The following GANC variants were observed in gnomAD, a reference collection of about 807,000 sequenced individuals.
The protein encoded by GANC is glucosidase alpha, neutral C.
A neutral mutation model predicts 124.2 loss-of-function variants in GANC; 117 were observed. That is an observed-to-expected ratio of 0.94 (90% confidence interval 0.81 to 1.10). The LOEUF is 1.10. Ranked by LOEUF, GANC falls within the 50% of genes least tolerant of loss-of-function variation. The pLI is 0.00. For synonymous variants in GANC, 377 were observed against 376.8 expected, an observed-to-expected ratio of 1.00 and a Z score of -0.01; for missense variants, 1,140 against 1,095.0, an observed-to-expected ratio of 1.04 and a Z score of -0.58.
chr15:42,311,328 G>T lies in GANC; in HGVS notation c.1057+482G>T, dbSNP rs1156274464. ...AATTAGGCAAGAAAAATAAATAAAA[G>T]ATATCAAAATTGGAAAAGAATAAAT... On this transcript the variant is annotated intron_variant, in intron 10 of 23. Coordinates refer to ENST00000318010, the MANE Select transcript of GANC (RefSeq NM_198141.3). 5.3e-5 allele frequency among the ~76,000 whole-genome samples: 8 copies of T among 152,158 alleles called. No individual in the cohort carries two copies. The East Asian group carries it at 9.6e-4, about 18-fold the overall frequency.
Position 42,332,851 on chromosome 15 carries a change from T to TAA in GANC, c.1741+2198_1741+2199dup, listed in dbSNP as rs5812220. Among the ~76,000 whole-genome samples the TAA allele has an allele frequency of 8.3e-3, 1,004 of 120,476 alleles. 17 individuals carry two copies. Among genetic ancestry groups the TAA allele is most frequent in the African/African-American group, 0.031 (953 of 30,966 alleles). 79.0% of individuals were successfully genotyped at this position (120,476 alleles called of 152,430 possible). The stretch of plus-strand genomic sequence containing the variant: ...CAACATGGTGAAACCCTGTCTCTAC[T>TAA]AAAAAAAAAAAAAAAAAAAATAGCT... On this transcript the variant is annotated intron_variant, in intron 15 of 23. Transcript: ENST00000318010.
intron 2 of GANC, chr15:42,278,005 A>G (rs757923681): frequency 7.9e-6 from 3 of 377,982 alleles, no homozygotes; most frequent in Non-Finnish European, 1.7e-5. Context: ...TTTCTAACAT[A>G]TTCCCTCTCT....
chr15:42,281,202 A>G (rs1042674084), intron 3 of GANC: 5 of 665,950 alleles, frequency 7.5e-6, no homozygotes, highest in East Asian at 2.7e-5. Context: ...ATGCAAATAC[A>G]TATTTCGGGA....
At chr15:42,332,097 CA>C (rs1170467402) in intron 15 of GANC, among the ~76,000 whole-genome samples, 1 of 152,052 alleles carries the variant, frequency 6.6e-6, no homozygotes, top group African/African-American at 2.4e-5. Context: ...TGCACACAAT[CA>C]AGGCTAACTA....
At chr15:42,279,428 A>C (rs933740508) in intron 3 of GANC, among the ~76,000 whole-genome samples, 2 of 152,186 alleles carry the variant, frequency 1.3e-5, no homozygotes. Context: ...TTGAAAACCC[A>C]AGTAACAAGT....
At chr15:42,333,365 C>T (rs780040544) in intron 15 of GANC, among the ~76,000 whole-genome samples, 17 of 151,344 alleles carry the variant, frequency 1.1e-4, no homozygotes, top group Non-Finnish European at 2.2e-4. Flanking sequence ...GGCCATAGGG[C>T]GGCCTAAAAT....
At chr15:42,287,582 C>A in intron 3 of GANC, 109 bp from the exon 4 acceptor site, 2 of 1,155,822 alleles carry the variant, frequency 1.7e-6, no homozygotes, top group Non-Finnish European at 2.4e-6. Context: ...CTCCAATTTG[C>A]TTGGCCTATC....
At chr15:42,305,239 A>G (rs2051982679) in intron 6 of GANC, among the ~76,000 whole-genome samples, 1 of 152,218 alleles carries the variant, frequency 6.6e-6, no homozygotes, top group African/African-American at 2.4e-5. Flanking sequence ...TCCAGAATCT[A>G]CAAGGAACTT....
intron 6 of GANC, among the ~76,000 whole-genome samples, chr15:42,299,292 A>G (rs1455273235): frequency 6.6e-6 from 1 of 152,192 alleles, no homozygotes; most frequent in East Asian, 1.9e-4. Flanking sequence ...AATTTTATCA[A>G]AGGCCTTTCC....
Position 42,286,776 on chromosome 15 carries a change from T to C in GANC, c.202-915T>C, listed in dbSNP as rs192821438. On this transcript the variant is annotated intron_variant, in intron 3 of 23. Coordinates refer to ENST00000318010, the MANE Select transcript of GANC (RefSeq NM_198141.3). ...TTCTTATCTTTTACTTGCACCACATTGTACCCATTCTAAGCTATGTCACAC... is the reference window on the plus strand; with the variant it reads ...TTCTTATCTTTTACTTGCACCACATCGTACCCATTCTAAGCTATGTCACAC... 1.2e-4 allele frequency among the ~76,000 whole-genome samples: 19 copies of C among 152,334 alleles called. No homozygotes were observed. The East Asian group carries it at 3.7e-3, about 29-fold the overall frequency.
At chr15:42,346,441 G>A (rs1263646459) in intron 20 of GANC, among the ~76,000 whole-genome samples, 1 of 152,142 alleles carries the variant, frequency 6.6e-6, no homozygotes, top group Non-Finnish European at 1.5e-5. Flanking sequence ...TGAGTGTGGT[G>A]ATGGTTGCAT....
At chr15:42,281,976 C>T (rs770316497) in intron 3 of GANC, among the ~76,000 whole-genome samples, 12 of 151,976 alleles carry the variant, frequency 7.9e-5, no homozygotes, top group Non-Finnish European at 1.6e-4. Context: ...CTCCTGAGGT[C>T]AGGGGTTTGA....
chr15:42,347,188 AAAAG>A (rs1235094841), intron 20 of GANC, among the ~76,000 whole-genome samples: 1 of 124,198 alleles, frequency 8.1e-6, no homozygotes, highest in Non-Finnish European at 1.7e-5. Context: ...AAAAAAAAAA[AAAAG>A]AAGAGAGAGA....
chr15:42,301,524 G>T (rs573599874), intron 6 of GANC, among the ~76,000 whole-genome samples: 1 of 152,076 alleles, frequency 6.6e-6, no homozygotes, highest in East Asian at 1.9e-4. Context: ...CCCCTGGAAA[G>T]GGGGCTGAAG....
At chr15:42,282,693 A>G (rs2412686) in intron 3 of GANC, among the ~76,000 whole-genome samples, 138,540 of 152,216 alleles carry the variant, frequency 0.91, 64,391 homozygotes, top group Non-Finnish European at 1. Context: ...CCCTTCCCCA[A>G]TCTGCTCCTT....
chr15:42,306,580 A>G lies in GANC; in HGVS notation c.593A>G (p.Lys198Arg), dbSNP rs373118869. ...GAAGATCTGGGCCTGTGGGAAGAGA[A>G]ATTTGGAAAATTTGTGGATATCAAA... ...NQEDLGLWEE[K>R]FGKFVDIKAN... Residue 198 changes from lysine (K) to arginine (R), a missense_variant, in exon 7 of 24, where the codon AAA (lysine) becomes AGA (arginine). Physicochemically the swap from Lys to Arg is conservative, Grantham distance 26. Transcript: ENST00000318010. 6.2e-7 allele frequency: 1 copy of G among 1,613,348 alleles called. No individual in the cohort carries two copies. The highest frequency in any genetic ancestry group is 8.5e-7 in the Non-Finnish European group (1 of 1,179,636).
chr15:42,322,054 T>TA (rs761634069), intron 11 of GANC, 34 bp downstream of exon 11: 2 of 1,532,638 alleles, frequency 1.3e-6, no homozygotes, highest in South Asian at 2.4e-5. Context: ...ACCTTTTAAT[T>TA]ACAGAGTTTT....
At chr15:42,335,706 G>C (rs2052278301) in intron 15 of GANC, among the ~76,000 whole-genome samples, 1 of 152,068 alleles carries the variant, frequency 6.6e-6, no homozygotes, top group Non-Finnish European at 1.5e-5. Flanking sequence ...ACATGACTCT[G>C]TCTAGAAAAC....
chr15:42,345,639 A>G, intron 19 of GANC, 119 bp from the exon 20 acceptor site: 1 of 607,224 alleles, frequency 1.6e-6, no homozygotes, highest in Non-Finnish European at 2.9e-6. Context: ...TTTTTAAGTT[A>G]TATTTATTTT....
Sources: gnomAD v4.1 joint callset for allele counts (sites outside exome capture counted in the v4.1 genomes callset) on GRCh38, gnomAD v4.1.1 for gene constraint, MANE v1.5 for transcripts, NCBI Gene and HGNC (gene_info 2026-07-23, HGNC 2026-07-21) for gene names.